KIAA0586: variants seen among roughly 807,000 people sequenced by gnomAD.
KIAA0586 encodes the protein protein TALPID3.
A neutral mutation model predicts 169.8 loss-of-function variants in KIAA0586; 144 were observed. The ratio of observed to expected loss-of-function variants is 0.85; its 90% CI spans 0.74 to 0.97. KIAA0586 has a LOEUF of 0.97. Ranked by LOEUF, KIAA0586 falls within the 50% of genes least tolerant of loss-of-function variation. KIAA0586 has a pLI of 0.00. For missense variants in KIAA0586, 1,854 were observed against 1,823.0 expected (o/e 1.02, Z -0.31); for synonymous variants, 625 against 612.4 (o/e 1.02, Z -0.30).
intron 5 of KIAA0586, 78 bp downstream of exon 5, chr14:58,442,958 G>A: frequency 1.9e-6 from 2 of 1,038,462 alleles, no homozygotes; most frequent in Non-Finnish European, 2.8e-6. Flanking sequence ...TCTATAAATG[G>A]TTGTGTCCAG....
At chr14:58,491,152 T>C (rs1045291498) in intron 25 of KIAA0586, among the ~76,000 whole-genome samples, 2 of 152,210 alleles carry the variant, frequency 1.3e-5, no homozygotes, top group African/African-American at 4.8e-5. Flanking sequence ...TATAGCATTT[T>C]TCTCCTCTCT....
rs2041267030 is a variant in KIAA0586, at chr14:58,472,134, A to G, written c.2554-65A>G. 7.7e-6 allele frequency: 6 copies of G among 782,266 alleles called. 1 individual carries two copies. Among genetic ancestry groups the G allele is most frequent in the Middle Eastern group, 4.9e-4 (2 of 4,116 alleles). 48.5% of individuals were successfully genotyped at this position (782,266 alleles called of 1,614,324 possible). ...AGCTTATACTATAGGTGGAAATATG[A>G]TAAATTACTTATAAATTTTAAAAGT... On this transcript the variant is annotated intron_variant, in intron 17 of 30. Coordinates refer to ENST00000652326, the MANE Select transcript of KIAA0586 (RefSeq NM_001329943.3).
intron 28 of KIAA0586, among the ~76,000 whole-genome samples, chr14:58,509,902 G>A (rs2044264989): frequency 6.6e-6 from 1 of 152,168 alleles, no homozygotes; most frequent in African/African-American, 2.4e-5. Context: ...GCAAGCCACT[G>A]ACTGGGAGAA....
At chr14:58,506,526 A>G (rs2043953935) in intron 27 of KIAA0586, among the ~76,000 whole-genome samples, 1 of 151,990 alleles carries the variant, frequency 6.6e-6, no homozygotes, top group African/African-American at 2.4e-5. Context: ...GCCTCTACTA[A>G]AAATACAAAA....
intron 29 of KIAA0586, among the ~76,000 whole-genome samples, chr14:58,532,251 A>C (rs562424873): frequency 6.6e-6 from 1 of 152,324 alleles, no homozygotes; most frequent in South Asian, 2.1e-4. Context: ...AGAGGAGGTA[A>C]ATACCTATGG....
chr14:58,542,102 C>A (rs1022625363), intron 30 of KIAA0586, among the ~76,000 whole-genome samples: 1 of 152,012 alleles, frequency 6.6e-6, no homozygotes, highest in East Asian at 1.9e-4. Flanking sequence ...CTAAGTGATG[C>A]TTTTTTTAAT....
chr14:58,430,824 T>C, intron 3 of KIAA0586, 107 bp downstream of exon 3: 1 of 620,838 alleles, frequency 1.6e-6, no homozygotes, highest in Non-Finnish European at 2.8e-6. Flanking sequence ...TTCACATTGT[T>C]GTACAATCAT....
rs758962196 is a variant in KIAA0586 at position 58,487,932 on chromosome 14, C to T, written c.3350C>T (p.Thr1117Ile). Residue 1117 changes from threonine to isoleucine, a missense_variant, in exon 23 of 31, where the codon ACC becomes ATC. Transcript: ENST00000652326. ...AIMLVNTPTV[T>I]PTTTPPPAAA... ...ATGCTTGTTAATACTCCAACAGTTA[C>T]CCCTACTACTACACCTCCTCCAGCG... 24 of 1,613,660 alleles carry T rather than the reference C, an allele frequency of 1.5e-5. No homozygotes were observed. The highest frequency in any genetic ancestry group is 2.7e-5 in the African/African-American group (2 of 74,978).
intron 9 of KIAA0586, among the ~76,000 whole-genome samples, chr14:58,455,721 C>CCGTGG (rs2039778817): frequency 6.6e-6 from 1 of 151,932 alleles, no homozygotes; most frequent in African/African-American, 2.4e-5. Context: ...CATGCACATG[C>CCGTGG]ATGTGCTAGA....
Position 58,468,057 on chromosome 14 carries a change from A to AT in KIAA0586, c.2442+141dup, listed in dbSNP as rs975159731. 1.8e-4 allele frequency: 107 copies of AT among 600,608 alleles called. 1 individual carries two copies. The African/African-American group carries it at 1.9e-3, about 11-fold the overall frequency. The allele number at this position is 600,608 out of a possible 1,614,324, so 37.2% of individuals were successfully genotyped here. On this transcript the variant is annotated intron_variant, in intron 16 of 30. Coordinates refer to ENST00000652326, the MANE Select transcript of KIAA0586 (RefSeq NM_001329943.3). ...GACTCTTTTTTTTAAATTTATTTTT[A>AT]TTTTTTAGACAGAGTTTTGCTCTTG...
At chr14:58,515,386 A>T (rs2044677296) in intron 29 of KIAA0586, among the ~76,000 whole-genome samples, 1 of 152,160 alleles carries the variant, frequency 6.6e-6, no homozygotes, top group Admixed American at 6.6e-5. Context: ...AAAATTTAGC[A>T]CCTTTTATAC....
intron 14 of KIAA0586, among the ~76,000 whole-genome samples, chr14:58,461,894 G>T (rs1056062497): frequency 2.0e-5 from 3 of 152,160 alleles, no homozygotes; most frequent in Non-Finnish European, 4.4e-5. Context: ...CACATCTACT[G>T]TTTCACTGGT....
At chr14:58,435,268 TAAG>T (rs2037730748) in intron 4 of KIAA0586, among the ~76,000 whole-genome samples, 1 of 152,248 alleles carries the variant, frequency 6.6e-6, no homozygotes, top group Admixed American at 6.5e-5. Flanking sequence ...TTTGATCAAA[TAAG>T]AAAATATATG....
chr14:58,492,864 A>G (rs182557806), intron 26 of KIAA0586, among the ~76,000 whole-genome samples: 1 of 152,358 alleles, frequency 6.6e-6, no homozygotes, highest in East Asian at 1.9e-4. Context: ...GCCAAGAAAT[A>G]TTAAAGCATA....
rs534600697 is a variant in KIAA0586, at chr14:58,427,983, C to T, written c.-282C>T. On this transcript the variant is annotated 5_prime_UTR_variant, in exon 1 of 31. Transcript: ENST00000652326. ...ACCAGCTCTGGGGTTGGGGAGTGCA[C>T]TGTTATGGTTATTGTTGCTCCTGTG... 9.1e-6 allele frequency: 13 copies of T among 1,420,994 alleles called. No homozygotes were observed. The East Asian group carries it at 3.1e-4, about 34-fold the overall frequency. 88.0% of individuals were successfully genotyped at this position (1,420,994 alleles called of 1,614,324 possible).
At chr14:58,486,953 T>G (rs2042489629) in intron 21 of KIAA0586, 54 bp from the exon 22 acceptor site, 4 of 1,408,926 alleles carry the variant, frequency 2.8e-6, no homozygotes, top group Admixed American at 4.2e-5. Context: ...TATTTTCAAA[T>G]TACTTTTATT....
Position 58,459,955 on chromosome 14 carries a change from C to T in KIAA0586, c.1769C>T (p.Thr590Ile). ...ATTAGAACCAACACACAAGATAAAA[C>T]TGTCAACAAATCTGTAATTCCAAGA... Reference protein sequence around the residue: ...KDIRTNTQDKTVNKSVIPRKH... With the variant: ...KDIRTNTQDKIVNKSVIPRKH... The change falls in exon 13 of 31, where the codon ACT (threonine) becomes ATT (isoleucine). Residue 590 changes from threonine (T) to isoleucine (I), a missense_variant. Transcript: ENST00000652326. 6.5e-7 allele frequency: 1 copy of T among 1,532,970 alleles called. No homozygotes were observed. Among genetic ancestry groups the T allele is most frequent in the Non-Finnish European group, 8.7e-7 (1 of 1,144,456 alleles). 95.0% of individuals were successfully genotyped at this position (1,532,970 alleles called of 1,614,324 possible).
rs556433298 is a variant in KIAA0586, at chr14:58,521,241, G to A, written c.4429+8614G>A. The stretch of plus-strand genomic sequence containing the variant: ...CAACACAGTGGCCAGCAACGTTGCC[G>A]ACAAGACGGATCCTCACTCCATGAA... On this transcript the variant is annotated intron_variant, in intron 29 of 30. Transcript: ENST00000652326. The A allele has an allele frequency of 7.7e-5, 83 of 1,083,144 alleles. 3 individuals are homozygous for A. The highest frequency in any genetic ancestry group is 2.1e-4 in the Middle Eastern group (1 of 4,694). The allele number at this position is 1,083,144 out of a possible 1,614,324, so 67.1% of individuals were successfully genotyped here.
chr14:58,472,732 G>A (rs1404602898), intron 18 of KIAA0586, among the ~76,000 whole-genome samples: 2 of 150,952 alleles, frequency 1.3e-5, no homozygotes, highest in South Asian at 2.1e-4. Flanking sequence ...TGAAATAGAG[G>A]GAAAAATAGG....
Sources: allele counts gnomAD v4.1 joint callset (sites outside exome capture counted in the v4.1 genomes callset), GRCh38; gene constraint gnomAD v4.1.1; transcripts MANE v1.5; gene names NCBI Gene and HGNC (gene_info 2026-07-23, HGNC 2026-07-21).